NRXN3: variants seen among roughly 807,000 people sequenced by gnomAD.
The protein encoded by NRXN3 is neurexin 3.
Under a neutral mutation model 137.6 loss-of-function variants are expected in NRXN3, and 32 were observed. That is an observed-to-expected ratio of 0.23 (90% CI 0.18 to 0.31). The LOEUF is 0.31. Among genes scored for constraint, NRXN3 ranks in the 10% least tolerant of loss-of-function variants. The pLI is 1.00. For missense variants in NRXN3, 1,574 were observed against 2,062.5 expected (o/e 0.76, Z 4.59); for synonymous variants, 798 against 784.5 (o/e 1.02, Z -0.29).
At chr14:78,337,672 T>C (rs571571609) in intron 4 of NRXN3, among the ~76,000 whole-genome samples, 1 of 152,278 alleles carries the variant, frequency 6.6e-6, no homozygotes, top group East Asian at 1.9e-4. Flanking sequence ...ATATTTTCTC[T>C]AAGCACTGAA....
intron 16 of NRXN3, among the ~76,000 whole-genome samples, chr14:79,655,960 A>G (rs1264581139): frequency 6.6e-6 from 1 of 152,206 alleles, no homozygotes; most frequent in Non-Finnish European, 1.5e-5. Flanking sequence ...TCTGATTCAG[A>G]GGGTCTTGCA....
rs1426010489 is a variant in NRXN3, at chr14:79,692,129, TG to T, written c.3617-43del. 3 of 1,448,172 alleles carry T rather than the reference TG, an allele frequency of 2.1e-6. No homozygotes were observed. The African/African-American group carries it at 4.3e-5, about 21-fold the overall frequency. The allele number at this position is 1,448,172 out of a possible 1,614,324, so 89.7% of individuals were successfully genotyped here. A position where few individuals can be genotyped will look rare whatever the true frequency, so the allele number is the denominator to read the frequency against. On this transcript the variant is annotated intron_variant, in intron 17 of 20. Transcript: ENST00000335750. ...CCTAGGATGTTTTTTAATGACTTATTGACTTTTCAGATTGTTCTTTAAGCTG... is the reference window on the plus strand; with the variant it reads ...CCTAGGATGTTTTTTAATGACTTATTACTTTTCAGATTGTTCTTTAAGCTG...
intron 15 of NRXN3, among the ~76,000 whole-genome samples, chr14:79,221,414 T>A (rs1368468787): frequency 6.6e-6 from 1 of 152,164 alleles, no homozygotes; most frequent in East Asian, 1.9e-4. Flanking sequence ...CCCCAGCATC[T>A]GTTGTTTCCT....
chr14:79,367,914 T>C (rs773590226), intron 15 of NRXN3, among the ~76,000 whole-genome samples: 1 of 152,220 alleles, frequency 6.6e-6, no homozygotes, highest in African/African-American at 2.4e-5. Context: ...CTGGAGTAAG[T>C]CTTTGAGTTG....
At chr14:78,597,132 C>T (rs1163075412) in intron 4 of NRXN3, among the ~76,000 whole-genome samples, 4 of 152,166 alleles carry the variant, frequency 2.6e-5, no homozygotes, top group East Asian at 3.9e-4. Context: ...TCCAGGCCAG[C>T]ATACTGCTGG....
chr14:78,484,194 A>G (rs1351080887), intron 4 of NRXN3, among the ~76,000 whole-genome samples: 4 of 152,190 alleles, frequency 2.6e-5, no homozygotes. Context: ...AATAATAGAT[A>G]ATGACAAATA....
At chr14:79,687,565 G>A (rs1321168347) in intron 17 of NRXN3, among the ~76,000 whole-genome samples, 1 of 152,122 alleles carries the variant, frequency 6.6e-6, no homozygotes, top group Non-Finnish European at 1.5e-5. Context: ...TGTCAACAAA[G>A]CAATAAAGAA....
At chr14:79,422,950 G>A (rs1317225145) in intron 15 of NRXN3, among the ~76,000 whole-genome samples, 1 of 151,922 alleles carries the variant, frequency 6.6e-6, no homozygotes, top group Non-Finnish European at 1.5e-5. Context: ...CACCCGCCTT[G>A]GCCTCTCAAA....
rs192314616 is a variant in NRXN3, at chr14:79,472,296, C to G, written c.3444+4894C>G. Reference sequence around the variant, plus strand: ...TGCTACTTTCTTTTAAACCTAAAGTCTTCCCACTCATCTGGGCCTTATAAA... The same window carrying G: ...TGCTACTTTCTTTTAAACCTAAAGTGTTCCCACTCATCTGGGCCTTATAAA... On this transcript the variant is annotated intron_variant, in intron 16 of 20. Coordinates refer to ENST00000335750, the MANE Select transcript of NRXN3 (RefSeq NM_001330195.2). Among the ~76,000 whole-genome samples, 6 of 152,274 alleles carry G rather than the reference C, an allele frequency of 3.9e-5. No individual in the cohort carries two copies. The East Asian group carries it at 9.7e-4, about 25-fold the overall frequency.
chr14:78,215,387 C>T (rs2063151018), intron 1 of NRXN3, among the ~76,000 whole-genome samples: 1 of 152,102 alleles, frequency 6.6e-6, no homozygotes, highest in African/African-American at 2.4e-5. Context: ...TCTAAAGGCT[C>T]CTTTCAGCAG....
chr14:79,842,764 C>A lies in NRXN3; in HGVS notation c.4094-18578C>A, dbSNP rs141973499. ...CCCTTATGTCAAGAGTAGCCATAAT[C>A]TGATTTAGCAAAAATCATGAATACA... On this transcript the variant is annotated intron_variant, in intron 20 of 20. Coordinates refer to ENST00000335750, the MANE Select transcript of NRXN3 (RefSeq NM_001330195.2). Among the ~76,000 whole-genome samples, 100 of 152,246 alleles carry A rather than the reference C, an allele frequency of 6.6e-4. No homozygotes were observed. In the South Asian group the frequency reaches 9.6e-3, roughly 15 times the overall value.
chr14:78,535,729 T>G (rs2096529513), intron 4 of NRXN3, among the ~76,000 whole-genome samples: 2 of 152,338 alleles, frequency 1.3e-5, no homozygotes, highest in Middle Eastern at 3.4e-3. Context: ...TTGTGTTGGG[T>G]AAAGCAACTT....
intron 16 of NRXN3, among the ~76,000 whole-genome samples, chr14:79,492,488 T>G (rs2096726912): frequency 6.6e-6 from 1 of 152,098 alleles, no homozygotes; most frequent in South Asian, 2.1e-4. Flanking sequence ...GTTCAAGTGA[T>G]TCTCCTGCCT....
intron 4 of NRXN3, among the ~76,000 whole-genome samples, chr14:78,481,118 GTGTGCAAGTGTGGGGTTAATAGAAC>G (rs1217620404): frequency 1.3e-5 from 2 of 152,148 alleles, no homozygotes; most frequent in East Asian, 3.9e-4. Flanking sequence ...TTATATTCTG[GTGTGCAAGTGTGGGGTTAATAGAAC>G]TGAATAAAAT....
intron 4 of NRXN3, among the ~76,000 whole-genome samples, chr14:78,494,695 G>A (rs763346298): frequency 7.9e-5 from 12 of 152,144 alleles, no homozygotes; most frequent in Admixed American, 2.0e-4. Context: ...TTCAGATAGA[G>A]ATATCTCCAG....
At chr14:79,453,109 C>T (rs2096203382) in intron 15 of NRXN3, among the ~76,000 whole-genome samples, 2 of 151,936 alleles carry the variant, frequency 1.3e-5, no homozygotes, top group African/African-American at 4.8e-5. Context: ...TCCTAATATT[C>T]CTGGAGAATT....
intron 4 of NRXN3, among the ~76,000 whole-genome samples, chr14:78,484,071 A>G (rs2095522122): frequency 6.6e-6 from 1 of 152,010 alleles, no homozygotes; most frequent in Non-Finnish European, 1.5e-5. Context: ...TAGCCATCAT[A>G]AAGATACATT....
chr14:78,849,189 T>A (rs2099035942), intron 10 of NRXN3, among the ~76,000 whole-genome samples: 1 of 152,142 alleles, frequency 6.6e-6, no homozygotes, highest in South Asian at 2.1e-4. Context: ...CTGAGAGTCC[T>A]CAGGCAAGTT....
intron 10 of NRXN3, among the ~76,000 whole-genome samples, chr14:78,857,000 T>C (rs1157971014): frequency 6.6e-6 from 1 of 152,214 alleles, no homozygotes; most frequent in African/African-American, 2.4e-5. Context: ...CCCAAAGTGC[T>C]GGGATTACAG....
Sources: gnomAD v4.1 joint callset for allele counts (sites outside exome capture counted in the v4.1 genomes callset) on GRCh38, gnomAD v4.1.1 for gene constraint, MANE v1.5 for transcripts, NCBI Gene and HGNC (gene_info 2026-07-23, HGNC 2026-07-21) for gene names.